The following STAT5B variants were observed in gnomAD, a reference collection of about 807,000 sequenced individuals.
STAT5B encodes the protein transcription factor STAT5B.
Under a neutral mutation model 107.8 loss-of-function variants are expected in STAT5B, and 21 were observed. The observed-to-expected ratio is 0.19, with a 90% confidence interval of 0.14 to 0.28. The LOEUF is 0.28. Among genes scored for constraint, STAT5B ranks in the 10% least tolerant of loss-of-function variants. The pLI, the probability that STAT5B is intolerant of heterozygous loss-of-function variation, is 1.00. For synonymous variants in STAT5B, 325 were observed against 401.7 expected (o/e 0.81, Z 2.28); for missense variants, 565 against 1,008.2 (o/e 0.56, Z 5.95).
chr17:42,202,632 C>G, intron 17 of STAT5B, 125 bp downstream of exon 17: 1 of 1,546,404 alleles, frequency 6.5e-7, no homozygotes, highest in Non-Finnish European at 8.9e-7. Flanking sequence ...AAGCCCAGGT[C>G]CTTCCCCAGG....
rs1310059687 is a variant in STAT5B at position 42,201,522 on chromosome 17, A to G, written c.*216T>C. 4 of 625,842 alleles carry G rather than the reference A, an allele frequency of 6.4e-6. No homozygotes were observed. The highest frequency in any genetic ancestry group is 1.2e-5 in the Non-Finnish European group (4 of 346,584). The allele number at this position is 625,842 out of a possible 1,614,324, so 38.8% of individuals were successfully genotyped here. On this transcript the variant is annotated 3_prime_UTR_variant, in exon 19 of 19. Coordinates refer to ENST00000293328, the MANE Select transcript of STAT5B (RefSeq NM_012448.4). ...GGGAGAAACACCATAACGTGCAAAC[A>G]CGCACACACACACACACACACACAC...
chr17:42,232,840 G>GTTT (rs931007817), intron 1 of STAT5B, among the ~76,000 whole-genome samples: 9 of 133,316 alleles, frequency 6.8e-5, no homozygotes, highest in African/African-American at 1.1e-4. Flanking sequence ...TTAGCAGAGA[G>GTTT]TTTTTTTTTT....
chr17:42,287,326 A>G, the STAT5B span, among the ~76,000 whole-genome samples: 1 of 135,838 alleles, frequency 7.4e-6, no homozygotes, highest in African/African-American at 2.9e-5. Flanking sequence ...GCAGATGAGA[A>G]TGCACCCCCC....
intron 1 of STAT5B, among the ~76,000 whole-genome samples, chr17:42,242,422 C>T (rs1416395782): frequency 3.3e-5 from 5 of 152,264 alleles, no homozygotes; most frequent in African/African-American, 1.2e-4. Flanking sequence ...GGAAAAGGTG[C>T]ATTTCTGTGG....
chr17:42,216,222 CCT>C, intron 11 of STAT5B, 116 bp from the exon 12 acceptor site: 1 of 880,750 alleles, frequency 1.1e-6, no homozygotes, highest in Non-Finnish European at 1.8e-6. Context: ...AGTTAATGTT[CCT>C]CTCAGACACA....
intron 15 of STAT5B, among the ~76,000 whole-genome samples, chr17:42,208,234 G>C (rs1165152591): frequency 6.6e-6 from 1 of 151,962 alleles, no homozygotes; most frequent in Non-Finnish European, 1.5e-5. Context: ...AGGCATGTTG[G>C]CTCATGCCTG....
chr17:42,227,495 G>A (rs1482006207), intron 3 of STAT5B, 34 bp downstream of exon 3: 3 of 1,612,378 alleles, frequency 1.9e-6, no homozygotes, highest in East Asian at 2.2e-5. Flanking sequence ...CCCAAGGGAA[G>A]GTAATTAAGT....
chr17:42,256,749 C>T (rs954711390), intron 1 of STAT5B, among the ~76,000 whole-genome samples: 5 of 150,562 alleles, frequency 3.3e-5, no homozygotes, highest in East Asian at 1.9e-4. Context: ...GTAGTCCCAG[C>T]TACTGGGGAG....
At chr17:42,258,725 T>C (rs748069148) in intron 1 of STAT5B, among the ~76,000 whole-genome samples, 2 of 152,206 alleles carry the variant, frequency 1.3e-5, no homozygotes, top group Non-Finnish European at 2.9e-5. Flanking sequence ...AAGTAGGAAG[T>C]GGCATTACCT....
At chr17:42,221,641 T>A (rs1337129370) in intron 5 of STAT5B, among the ~76,000 whole-genome samples, 2 of 152,200 alleles carry the variant, frequency 1.3e-5, no homozygotes, top group Non-Finnish European at 2.9e-5. Context: ...TTCCATTCTC[T>A]GAAGGAGCTG....
intron 1 of STAT5B, among the ~76,000 whole-genome samples, chr17:42,263,165 A>C (rs545511549): frequency 6.8e-4 from 102 of 149,700 alleles, no homozygotes; most frequent in Admixed American, 1.6e-3. Flanking sequence ...TCTCCCTAAC[A>C]ATTTATTATA....
chr17:42,218,100 T>C (rs776327953), intron 9 of STAT5B, 51 bp downstream of exon 9: 1 of 1,592,096 alleles, frequency 6.3e-7, no homozygotes, highest in South Asian at 1.1e-5. Flanking sequence ...TTTTTCCTGT[T>C]GCCAGGACAT....
At position 42,212,097 on chromosome 17, in the gene STAT5B, G is replaced by A; in HGVS notation, c.1567C>T (p.Arg523Trp). 8.7e-6 allele frequency: 14 copies of A among 1,614,102 alleles called. No homozygotes were observed. The highest frequency in any genetic ancestry group is 1.2e-5 in the Non-Finnish European group (14 of 1,180,000). ...MKFKAEVQSN[R>W]GLTKENLVFL... ...ACGAGGTTCTCCTTGGTCAGGCCCC[G>A]GTTGCTCTGCACTTCGGCCTTGAAT... Residue 523 changes from arginine (R) to tryptophan (W), a missense_variant, in exon 13 of 19, where the codon CGG becomes TGG. Transcript: ENST00000293328.
chr17:42,200,928 AC>A lies in STAT5B; in HGVS notation c.*809del, dbSNP rs1326824800. The stretch of plus-strand genomic sequence containing the variant: ...GCACTCCACTCTGGCCAGAACACAA[AC>A]GGCATTGGCACTGTAAGCTCTCAGT... On this transcript the variant is annotated 3_prime_UTR_variant, in exon 19 of 19. Coordinates refer to ENST00000293328, the MANE Select transcript of STAT5B (RefSeq NM_012448.4). 7 of 396,922 alleles carry A rather than the reference AC, an allele frequency of 1.8e-5. No homozygotes were observed. The highest frequency in any genetic ancestry group is 3.1e-5 in the Non-Finnish European group (7 of 225,604). The allele number at this position is 396,922 out of a possible 1,614,324, so 24.6% of individuals were successfully genotyped here. A position where few individuals can be genotyped will look rare whatever the true frequency, so the allele number is the denominator to read the frequency against.
chr17:42,204,668 G>A (rs1019246380), intron 16 of STAT5B, among the ~76,000 whole-genome samples: 4 of 152,222 alleles, frequency 2.6e-5, no homozygotes, highest in African/African-American at 7.2e-5. Context: ...AGGCTACAGT[G>A]CAATGGCACA....
At chr17:42,214,138 G>T in intron 12 of STAT5B, 1 of 880,908 alleles carries the variant, frequency 1.1e-6, no homozygotes, top group Non-Finnish European at 1.4e-6. Context: ...GCAAGACTCT[G>T]TCTCAAAAAA....
chr17:42,221,224 A>T (rs994435312), intron 5 of STAT5B, among the ~76,000 whole-genome samples: 1 of 152,138 alleles, frequency 6.6e-6, no homozygotes, highest in African/African-American at 2.4e-5. Flanking sequence ...GGACGGACAG[A>T]TCCAAGGTAT....
Position 42,232,133 on chromosome 17 carries a change from A to C in STAT5B, c.-6T>G. ...GCTTGTATCCACACAGCCATGGTTT[A>C]CAATCTGTTGAACAAACAATCAGTG... is the stretch of plus-strand genomic sequence containing the variant. On this transcript the variant is annotated 5_prime_UTR_variant, in exon 2 of 19. Transcript: ENST00000293328. The C allele has an allele frequency of 6.2e-7, 1 of 1,613,916 alleles. No homozygotes were observed. The highest frequency in any genetic ancestry group is 1.3e-5 in the African/African-American group (1 of 75,050).
At chr17:42,262,918 GTGTGTATATA>G (rs2080621385) in intron 1 of STAT5B, among the ~76,000 whole-genome samples, 1 of 96,262 alleles carries the variant, frequency 1.0e-5, no homozygotes, top group African/African-American at 3.8e-5. Context: ...GTATATATAT[GTGTGTATATA>G]TATATGTATA....
Sources: allele counts gnomAD v4.1 joint callset (sites outside exome capture counted in the v4.1 genomes callset), GRCh38; gene constraint gnomAD v4.1.1; transcripts MANE v1.5; gene names NCBI Gene and HGNC (gene_info 2026-07-23, HGNC 2026-07-21).